AGK: variants seen among roughly 807,000 people sequenced by gnomAD.
AGK encodes the protein acylglycerol kinase, also known as acylglycerol kinase, mitochondrial.
In AGK, 52 loss-of-function variants were observed where a neutral mutation model predicts 66.4. The observed-to-expected ratio is 0.78, with a 90% CI of 0.63 to 0.99. The LOEUF (loss-of-function observed/expected upper bound fraction) is 0.99. AGK is among the 50% of genes least tolerant of loss of function. The probability of loss-of-function intolerance (pLI) is 0.00; values close to 1 mark genes in which losing one functional copy is unlikely to be tolerated. For synonymous variants in AGK, 182 were observed against 181.1 expected, an observed-to-expected ratio of 1.00 and a Z score of -0.04; for missense variants, 451 against 506.6, an observed-to-expected ratio of 0.89 and a Z score of 1.05.
chr7:141,616,754 TTTTC>T (rs1257177218), intron 8 of AGK, among the ~76,000 whole-genome samples: 4 of 151,412 alleles, frequency 2.6e-5, no homozygotes, highest in African/African-American at 7.3e-5. Context: ...TTTTTTTTCT[TTTTC>T]TTTCTTTTTT....
chr7:141,577,681 A>C (rs1795776026), intron 2 of AGK, among the ~76,000 whole-genome samples: 1 of 151,808 alleles, frequency 6.6e-6, no homozygotes, highest in African/African-American at 2.4e-5. Flanking sequence ...AAAGGCAGGA[A>C]CTTCCTGAGG....
Position 141,554,495 on chromosome 7 carries a change from C to A in AGK, c.-14-958C>A, listed in dbSNP as rs554189321. Among the ~76,000 whole-genome samples the A allele has an allele frequency of 5.1e-4, 78 of 152,164 alleles. 1 individual carries two copies. Among genetic ancestry groups the A allele is most frequent in the African/African-American group, 1.8e-3 (75 of 41,536 alleles). On this transcript the variant is annotated intron_variant, in intron 1 of 15. Transcript: ENST00000649286. ...TTATGTTTTGGGTTTTTTCCCCCAT[C>A]AGTAAAAATTTTGGGTAAAAAAATA...
At chr7:141,611,982 C>T (rs994563151) in intron 6 of AGK, among the ~76,000 whole-genome samples, 3 of 152,196 alleles carry the variant, frequency 2.0e-5, no homozygotes, top group African/African-American at 7.2e-5. Context: ...AATCATGCTC[C>T]TTGGTATTTA....
At position 141,648,640 on chromosome 7, in the gene AGK, T is replaced by C. The variant is rs17162371; in HGVS notation, c.976-623T>C. Among the ~76,000 whole-genome samples, 672 of 152,330 alleles carry C rather than the reference T, an allele frequency of 4.4e-3. 7 individuals are homozygous for C. The highest frequency in any genetic ancestry group is 0.016 in the African/African-American group (645 of 41,576). ...GTTTGTATGGCTAGTCACTGACTGG[T>C]AGCAAATTATGGGAACTGGTCCAAG... On this transcript the variant is annotated intron_variant, in intron 13 of 15. Transcript: ENST00000649286.
intron 2 of AGK, among the ~76,000 whole-genome samples, chr7:141,569,232 C>T (rs140719291): frequency 1.1e-4 from 17 of 152,160 alleles, no homozygotes; most frequent in East Asian, 5.8e-4. Context: ...TTACTGAGAA[C>T]GTACTACTAA....
At chr7:141,577,475 T>A (rs1587080933) in intron 2 of AGK, among the ~76,000 whole-genome samples, 2 of 152,338 alleles carry the variant, frequency 1.3e-5, no homozygotes, top group South Asian at 4.1e-4. Context: ...GTCCTTGTCA[T>A]GTGACCACAA....
chr7:141,579,947 A>G (rs951891295), intron 2 of AGK, among the ~76,000 whole-genome samples: 7 of 151,986 alleles, frequency 4.6e-5, no homozygotes, highest in Admixed American at 3.9e-4. Context: ...TTGGAATGCT[A>G]GTGGCTTTTT....
chr7:141,643,996 T>C (rs1369385250), intron 13 of AGK, among the ~76,000 whole-genome samples: 1 of 152,120 alleles, frequency 6.6e-6, no homozygotes, highest in Non-Finnish European at 1.5e-5. Flanking sequence ...TCTAGGAATT[T>C]ATCCTACTGG....
chr7:141,562,812 G>C (rs952532487), intron 2 of AGK, among the ~76,000 whole-genome samples: 2 of 152,242 alleles, frequency 1.3e-5, no homozygotes, highest in African/African-American at 4.8e-5. Flanking sequence ...TTCAGGCCAT[G>C]CTTCTCGCTG....
chr7:141,575,808 A>G (rs1795724871), intron 2 of AGK, among the ~76,000 whole-genome samples: 2 of 151,798 alleles, frequency 1.3e-5, no homozygotes, highest in South Asian at 4.2e-4. Context: ...CAGTGGGTAA[A>G]TTCATATCTC....
intron 2 of AGK, among the ~76,000 whole-genome samples, chr7:141,570,854 G>A (rs1220707893): frequency 2.0e-5 from 3 of 151,692 alleles, no homozygotes; most frequent in South Asian, 2.1e-4. Context: ...TGTACATTTT[G>A]TTCAAATCAG....
At chr7:141,623,327 C>T (rs1048816442) in intron 9 of AGK, among the ~76,000 whole-genome samples, 8 of 147,564 alleles carry the variant, frequency 5.4e-5, no homozygotes, top group African/African-American at 1.8e-4. Flanking sequence ...TGCGGTGAGC[C>T]GAGATCGCGC....
chr7:141,560,728 T>C (rs1795323377), intron 2 of AGK, among the ~76,000 whole-genome samples: 1 of 151,954 alleles, frequency 6.6e-6, no homozygotes, highest in South Asian at 2.1e-4. Context: ...GGCTTTCCAT[T>C]CCTGAGTTAC....
chr7:141,563,371 A>C (rs1795393890), intron 2 of AGK, among the ~76,000 whole-genome samples: 2 of 152,182 alleles, frequency 1.3e-5, no homozygotes, highest in Non-Finnish European at 2.9e-5. Context: ...CATCTTATAC[A>C]TCTTCCATCC....
chr7:141,624,819 T>C (rs897651141), intron 9 of AGK, among the ~76,000 whole-genome samples: 2 of 152,238 alleles, frequency 1.3e-5, no homozygotes, highest in Non-Finnish European at 2.9e-5. Flanking sequence ...TTGGCAGGGA[T>C]TGAGAAGACT....
At chr7:141,621,349 G>T (rs1010632612) in intron 8 of AGK, among the ~76,000 whole-genome samples, 11 of 152,138 alleles carry the variant, frequency 7.2e-5, no homozygotes, top group African/African-American at 2.7e-4. Context: ...TACTCTTCTG[G>T]CTGTTAGAGC....
chr7:141,637,057 T>G, intron 11 of AGK, 40 bp downstream of exon 11: 1 of 1,561,864 alleles, frequency 6.4e-7, no homozygotes, highest in Non-Finnish European at 8.8e-7. Context: ...CTGTGTTATT[T>G]TGTTGTTTCT....
At chr7:141,563,898 CAT>C (rs1434122868) in intron 2 of AGK, among the ~76,000 whole-genome samples, 1 of 152,206 alleles carries the variant, frequency 6.6e-6, no homozygotes, top group Non-Finnish European at 1.5e-5. Flanking sequence ...CCATTTTTCA[CAT>C]GTCATTCCTG....
intron 15 of AGK, 148 bp from the exon 16 acceptor site, chr7:141,652,639 A>ATT: frequency 1.3e-6 from 1 of 755,892 alleles, no homozygotes. Flanking sequence ...TAGGCACTGA[A>ATT]TTTTTTTTTG....
Sources: allele counts gnomAD v4.1 joint callset (sites outside exome capture counted in the v4.1 genomes callset), GRCh38; gene constraint gnomAD v4.1.1; transcripts MANE v1.5; gene names NCBI Gene and HGNC (gene_info 2026-07-23, HGNC 2026-07-21).